Variants in LNPEP observed in about 807,000 individuals in gnomAD.
The protein encoded by LNPEP is leucyl-cystinyl aminopeptidase.
A neutral mutation model predicts 120.6 loss-of-function variants in LNPEP; 64 were observed. That is an observed-to-expected ratio of 0.53 (90% CI 0.43 to 0.65). LNPEP has a LOEUF of 0.65. LNPEP is among the 30% of genes least tolerant of loss of function. The probability of loss-of-function intolerance (pLI) is 0.00; values close to 1 mark genes in which losing one functional copy is unlikely to be tolerated. For missense variants in LNPEP, 1,057 were observed against 1,200.0 expected (o/e 0.88, Z 1.76); for synonymous variants, 435 against 425.4 (o/e 1.02, Z -0.28).
intron 8 of LNPEP, among the ~76,000 whole-genome samples, chr5:97,000,003 A>G (rs963368236): frequency 6.6e-6 from 1 of 152,108 alleles, no homozygotes; most frequent in Non-Finnish European, 1.5e-5. Flanking sequence ...CTAACCATAT[A>G]CCAGCCATTG....
At chr5:96,998,451 T>A (rs1790570291) in intron 8 of LNPEP, among the ~76,000 whole-genome samples, 1 of 152,168 alleles carries the variant, frequency 6.6e-6, no homozygotes, top group African/African-American at 2.4e-5. Flanking sequence ...TCAGAGAAGG[T>A]CCTAAGTAAG....
rs1791479392 is a variant in LNPEP, at chr5:97,032,017, A to G, written c.*3484A>G. ...CCATAATCTGCCATCAGATTGCTAA[A>G]CATTCACATAATCCCCATGTTTCAT... On this transcript the variant is annotated 3_prime_UTR_variant, in exon 18 of 18. Coordinates refer to ENST00000231368, the MANE Select transcript of LNPEP (RefSeq NM_005575.3). The G allele has an allele frequency of 3.9e-5, 6 of 152,230 alleles. No individual in the cohort carries two copies. The highest frequency in any genetic ancestry group is 3.9e-4 in the Admixed American group (6 of 15,286). 9.4% of individuals were successfully genotyped at this position (152,230 alleles called of 1,614,324 possible).
chr5:96,936,151 G>A lies in LNPEP; in HGVS notation c.-5G>A, dbSNP rs935064218. On this transcript the variant is annotated 5_prime_UTR_variant, in exon 1 of 18. Transcript: ENST00000231368. ...CCGGCTGTAAGGAGCCGCGGCGGGG[G>A]GAAAATGGAGCCCTTCACCAATGGT... The A allele has an allele frequency of 9.3e-6, 14 of 1,502,416 alleles. No individual in the cohort carries two copies. The highest frequency in any genetic ancestry group is 1.2e-5 in the Non-Finnish European group (13 of 1,126,840). 93.1% of individuals were successfully genotyped at this position (1,502,416 alleles called of 1,614,324 possible). A position where few individuals can be genotyped will look rare whatever the true frequency, so the allele number is the denominator to read the frequency against.
chr5:97,006,899 G>A (rs547370150), intron 11 of LNPEP, among the ~76,000 whole-genome samples: 37 of 152,272 alleles, frequency 2.4e-4, no homozygotes, highest in African/African-American at 8.7e-4. Context: ...TGATTTGTGT[G>A]TATAATTGAG....
intron 1 of LNPEP, chr5:96,936,432 A>G (rs947679837): frequency 2.1e-5 from 8 of 388,402 alleles, no homozygotes; most frequent in African/African-American, 1.5e-4. Context: ...GTGGGCAAAC[A>G]GCAAAGTTTG....
chr5:97,010,943 T>A (rs987846110), intron 11 of LNPEP: 8 of 985,288 alleles, frequency 8.1e-6, no homozygotes, highest in Non-Finnish European at 2.4e-6. Context: ...GATAACTCTG[T>A]CTGTCTTTGT....
At chr5:96,999,938 A>G (rs1012178028) in intron 8 of LNPEP, among the ~76,000 whole-genome samples, 7 of 152,040 alleles carry the variant, frequency 4.6e-5, no homozygotes. Context: ...ATCAAGCCTA[A>G]TTCTGATGCA....
rs1258404925 is a variant in LNPEP, at chr5:97,027,778, A to G, written c.2910A>G (p.Ser970=). 1 of 1,610,042 alleles carries G rather than the reference A, an allele frequency of 6.2e-7. No individual in the cohort carries two copies. Among genetic ancestry groups the G allele is most frequent in the Non-Finnish European group, 8.5e-7 (1 of 1,176,254 alleles). ...SYTIQNIVAG[S]TYLFSTKTHL... The stretch of plus-strand genomic sequence containing the variant: ...CCATACAAAATATTGTTGCTGGATC[A>G]ACTTACCTGTTTTCAACAAAGACAC... The change falls in exon 17 of 18, where the codon TCA becomes TCG. Residue 970 remains serine, a synonymous_variant. Transcript: ENST00000231368.
At chr5:96,997,145 T>C (rs972081453) in intron 7 of LNPEP, among the ~76,000 whole-genome samples, 11 of 152,082 alleles carry the variant, frequency 7.2e-5, no homozygotes, top group Non-Finnish European at 1.3e-4. Flanking sequence ...TAGGCCATGA[T>C]ATGACAGATA....
At chr5:96,956,994 A>G (rs1405673805) in intron 1 of LNPEP, among the ~76,000 whole-genome samples, 2 of 152,018 alleles carry the variant, frequency 1.3e-5, no homozygotes, top group African/African-American at 2.4e-5. Flanking sequence ...GGTACTTTTT[A>G]TAGTTTCTAT....
chr5:97,008,660 C>A (rs1373783183), intron 11 of LNPEP, among the ~76,000 whole-genome samples: 1 of 69,736 alleles, frequency 1.4e-5, no homozygotes, highest in Non-Finnish European at 2.9e-5. Context: ...CTCCTCTTTA[C>A]TCTTTTTTTT....
intron 1 of LNPEP, among the ~76,000 whole-genome samples, chr5:96,977,456 A>G (rs1376760018): frequency 2.6e-5 from 4 of 152,074 alleles, no homozygotes; most frequent in Non-Finnish European, 5.9e-5. Flanking sequence ...CAGGAATGGT[A>G]TTTAGTGCTG....
intron 3 of LNPEP, among the ~76,000 whole-genome samples, 175 bp downstream of exon 3, chr5:96,985,393 C>T (rs1790217021): frequency 1.3e-5 from 2 of 152,076 alleles, no homozygotes; most frequent in South Asian, 4.1e-4. Flanking sequence ...TGGGAAGTCA[C>T]CTTGAGGAGG....
intron 1 of LNPEP, among the ~76,000 whole-genome samples, chr5:96,954,994 G>A (rs1411805251): frequency 7.4e-5 from 11 of 149,304 alleles, no homozygotes; most frequent in African/African-American, 2.4e-4. Flanking sequence ...GTGTTAGCCA[G>A]GATGGTCTCC....
At chr5:96,977,927 A>G (rs981798533) in intron 1 of LNPEP, among the ~76,000 whole-genome samples, 22 of 152,196 alleles carry the variant, frequency 1.4e-4, no homozygotes, top group Non-Finnish European at 7.3e-5. Flanking sequence ...TCAAATTTTT[A>G]GACCTGTGCT....
chr5:96,955,884 T>A (rs534431853), intron 1 of LNPEP, among the ~76,000 whole-genome samples: 1 of 152,364 alleles, frequency 6.6e-6, no homozygotes, highest in South Asian at 2.1e-4. Flanking sequence ...TCTTTCAAAC[T>A]GTTTGTGCCA....
chr5:96,991,025 G>C (rs1459808341), intron 4 of LNPEP, among the ~76,000 whole-genome samples: 1 of 152,014 alleles, frequency 6.6e-6, no homozygotes, highest in South Asian at 2.1e-4. Context: ...AGTGTAGACT[G>C]CACCCAATGT....
rs565472841 is a variant in LNPEP at position 97,036,726 on chromosome 5, T to A, written c.*8193T>A. 15 of 152,280 alleles carry A rather than the reference T, an allele frequency of 9.9e-5. No homozygotes were observed. The East Asian group carries it at 2.7e-3, about 27-fold the overall frequency. 9.4% of individuals were successfully genotyped at this position (152,280 alleles called of 1,614,324 possible). On this transcript the variant is annotated 3_prime_UTR_variant, in exon 18 of 18. Coordinates refer to ENST00000231368, the MANE Select transcript of LNPEP (RefSeq NM_005575.3). ...TTGAGTGATAGAACTCCTAGAAAAT[T>A]TGCAAAGAAATGTTACATACTGTAT... is the stretch of plus-strand genomic sequence containing the variant.
At chr5:96,949,765 C>T (rs958937061) in intron 1 of LNPEP, among the ~76,000 whole-genome samples, 16 of 152,154 alleles carry the variant, frequency 1.1e-4, no homozygotes, top group African/African-American at 1.9e-4. Context: ...CAATGGTTGG[C>T]GTCTAACATA....
Sources: allele counts gnomAD v4.1 joint callset (sites outside exome capture counted in the v4.1 genomes callset), GRCh38; gene constraint gnomAD v4.1.1; transcripts MANE v1.5; gene names NCBI Gene and HGNC (gene_info 2026-07-23, HGNC 2026-07-21).